KATNBL1: variants seen among roughly 807,000 people sequenced by gnomAD.
KATNBL1 encodes the protein KATNB1-like protein 1.
Under a neutral mutation model 44.7 loss-of-function variants are expected in KATNBL1, and 28 were observed. That is an observed-to-expected ratio of 0.63 (90% CI 0.46 to 0.86). The LOEUF (loss-of-function observed/expected upper bound fraction) is 0.86, where lower values mean the gene tolerates loss of function less well. KATNBL1 is among the 40% of genes least tolerant of loss of function. The pLI is 0.00. For missense variants in KATNBL1, 272 were observed against 350.7 expected (o/e 0.78, Z 1.79); for synonymous variants, 78 against 114.9 (o/e 0.68, Z 2.06).
chr15:34,163,473 C>T, intron 2 of KATNBL1, 87 bp downstream of exon 2: 1 of 1,427,426 alleles, frequency 7.0e-7, no homozygotes, highest in Non-Finnish European at 9.4e-7. Context: ...TTATTATCCT[C>T]CCATTGTTTA....
chr15:34,167,105 T>C (rs1332777070), intron 1 of KATNBL1, among the ~76,000 whole-genome samples: 1 of 152,104 alleles, frequency 6.6e-6, no homozygotes, highest in Non-Finnish European at 1.5e-5. Flanking sequence ...GTTTGACAGG[T>C]TGACAGAATT....
At chr15:34,189,062 C>T (rs556947281) in intron 1 of KATNBL1, among the ~76,000 whole-genome samples, 47 of 152,222 alleles carry the variant, frequency 3.1e-4, no homozygotes, top group African/African-American at 1.1e-3. Flanking sequence ...GACAGAGTCT[C>T]GCTCTGTCGC....
chr15:34,174,039 T>A (rs187009814), intron 1 of KATNBL1, among the ~76,000 whole-genome samples: 34 of 152,244 alleles, frequency 2.2e-4, no homozygotes, highest in African/African-American at 6.0e-4. Context: ...CAGAAAATGG[T>A]GAGCAAAAAT....
At chr15:34,174,695 G>A (rs1041896474) in intron 1 of KATNBL1, among the ~76,000 whole-genome samples, 6 of 151,532 alleles carry the variant, frequency 4.0e-5, no homozygotes, top group South Asian at 2.1e-4. Context: ...TCGCTTTGTC[G>A]CCCAGGTTGG....
In KATNBL1 at chr15:34,141,606, A is replaced by G. The variant is rs1567513702; in HGVS notation, c.*733T>C. ...CATGACATGATGATTCTGGCAAAAAATATCAGAGATACTAAAACTATTCTC... is the reference window on the plus strand; with the variant it reads ...CATGACATGATGATTCTGGCAAAAAGTATCAGAGATACTAAAACTATTCTC... On this transcript the variant is annotated 3_prime_UTR_variant, in exon 10 of 10. Transcript: ENST00000256544. The G allele has an allele frequency of 6.6e-6, 1 of 152,620 alleles. No homozygotes were observed. The highest frequency in any genetic ancestry group is 2.4e-5 in the African/African-American group (1 of 41,464). The allele number at this position is 152,620 out of a possible 1,614,324, so 9.5% of individuals were successfully genotyped here. A position where few individuals can be genotyped will look rare whatever the true frequency, so the allele number is the denominator to read the frequency against.
chr15:34,204,022 TA>T (rs35383096), intron 1 of KATNBL1, among the ~76,000 whole-genome samples: 90,330 of 130,568 alleles, frequency 0.69, 33,462 homozygotes, highest in Non-Finnish European at 0.84. Flanking sequence ...AGAACTTAAT[TA>T]AAAAAAAAAA....
In KATNBL1 at chr15:34,152,438, G is replaced by A. The variant is rs992626432; in HGVS notation, c.438+352C>T. Among the ~76,000 whole-genome samples, 4 of 152,152 alleles carry A rather than the reference G, an allele frequency of 2.6e-5. No individual in the cohort carries two copies. In the East Asian group the frequency reaches 5.8e-4, roughly 22 times the overall value. ...AGGCTGGTCTCAAACGCCTAACCTC[G>A]TGATCCACCCACCTCGGGCTCCAGG... On this transcript the variant is annotated intron_variant, in intron 4 of 9. Coordinates refer to ENST00000256544, the MANE Select transcript of KATNBL1 (RefSeq NM_024713.3).
intron 1 of KATNBL1, among the ~76,000 whole-genome samples, chr15:34,195,496 T>C (rs1890004616): frequency 6.6e-6 from 1 of 152,148 alleles, no homozygotes; most frequent in African/African-American, 2.4e-5. Flanking sequence ...GTTGCTCTAA[T>C]GATCCATGTA....
At chr15:34,200,974 A>C (rs1313610247) in intron 1 of KATNBL1, among the ~76,000 whole-genome samples, 1 of 152,026 alleles carries the variant, frequency 6.6e-6, no homozygotes, top group Non-Finnish European at 1.5e-5. Flanking sequence ...ACACCACCAC[A>C]CCTGGCTAAT....
chr15:34,162,368 G>C lies in KATNBL1; in HGVS notation c.117+1192C>G, dbSNP rs574491039. 2.6e-4 allele frequency among the ~76,000 whole-genome samples: 40 copies of C among 152,232 alleles called. No individual in the cohort carries two copies. The South Asian group carries it at 8.3e-3, about 32-fold the overall frequency. ...TTCTCATTCTCTCGTCTGCTGCCAC[G>C]TATGTAAAATGTGCCTTTTGCCTTC... is the stretch of plus-strand genomic sequence containing the variant. On this transcript the variant is annotated intron_variant, in intron 2 of 9. Coordinates refer to ENST00000256544, the MANE Select transcript of KATNBL1 (RefSeq NM_024713.3).
chr15:34,164,363 A>G (rs955300213), intron 1 of KATNBL1, among the ~76,000 whole-genome samples: 8 of 101,970 alleles, frequency 7.8e-5, no homozygotes, highest in Non-Finnish European at 1.9e-4. Flanking sequence ...AAATGTACAG[A>G]AACCTAAAAC....
intron 9 of KATNBL1, among the ~76,000 whole-genome samples, chr15:34,144,324 G>A (rs956559780): frequency 8.6e-5 from 13 of 151,648 alleles, no homozygotes; most frequent in African/African-American, 1.7e-4. Context: ...GTTTCCCTTA[G>A]CATTGTATTT....
At chr15:34,190,074 A>G (rs987798246) in intron 1 of KATNBL1, among the ~76,000 whole-genome samples, 5 of 151,678 alleles carry the variant, frequency 3.3e-5, no homozygotes, top group Non-Finnish European at 7.4e-5. Context: ...CCTCCTGAGT[A>G]GCTGGGACTA....
At chr15:34,177,505 A>G (rs993352152) in intron 1 of KATNBL1, among the ~76,000 whole-genome samples, 1 of 151,828 alleles carries the variant, frequency 6.6e-6, no homozygotes, top group African/African-American at 2.4e-5. Context: ...CTAGCTGAGC[A>G]TGGTGGTACA....
intron 2 of KATNBL1, among the ~76,000 whole-genome samples, chr15:34,156,238 G>A (rs1231013346): frequency 6.6e-6 from 1 of 152,208 alleles, no homozygotes; most frequent in African/African-American, 2.4e-5. Flanking sequence ...TGAACTCAGT[G>A]TCGGGAGACA....
At chr15:34,144,662 C>T (rs1009359485) in intron 9 of KATNBL1, among the ~76,000 whole-genome samples, 5 of 152,010 alleles carry the variant, frequency 3.3e-5, no homozygotes, top group African/African-American at 1.2e-4. Context: ...CCTCCGCCTC[C>T]CAGGTTCAAG....
intron 1 of KATNBL1, among the ~76,000 whole-genome samples, chr15:34,205,976 G>C (rs569090688): frequency 7.2e-4 from 110 of 152,224 alleles, no homozygotes; most frequent in Admixed American, 1.0e-3. Context: ...AGACTATCCA[G>C]AGGCCTCTTC....
At chr15:34,147,554 G>T in intron 5 of KATNBL1, 124 bp from the exon 6 acceptor site, 1 of 580,638 alleles carries the variant, frequency 1.7e-6, no homozygotes, top group East Asian at 5.0e-5. Context: ...TCTACAATGA[G>T]TCATGTCTGT....
chr15:34,202,846 C>A (rs1890204765), intron 1 of KATNBL1, among the ~76,000 whole-genome samples: 1 of 152,082 alleles, frequency 6.6e-6, no homozygotes, highest in African/African-American at 2.4e-5. Context: ...CAAAAATTAG[C>A]TGGGCATGGT....
Sources: gnomAD v4.1 joint callset for allele counts (sites outside exome capture counted in the v4.1 genomes callset) on GRCh38, gnomAD v4.1.1 for gene constraint, MANE v1.5 for transcripts, NCBI Gene and HGNC (gene_info 2026-07-23, HGNC 2026-07-21) for gene names.